The following PLCXD3 variants were observed in gnomAD, a reference collection of about 807,000 sequenced individuals.
The protein encoded by PLCXD3 is phosphatidylinositol specific phospholipase C X domain containing 3.
PLCXD3 carries 19 observed loss-of-function variants against 25.5 expected under a neutral mutation model. That is an observed-to-expected ratio of 0.75 (90% confidence interval 0.52 to 1.09). The LOEUF is 1.09. Ranked by LOEUF, PLCXD3 falls within the 50% of genes least tolerant of loss-of-function variation. PLCXD3 has a pLI of 0.00. For missense variants in PLCXD3, 411 were observed against 388.1 expected (o/e 1.06, Z -0.50); for synonymous variants, 174 against 137.6 (o/e 1.26, Z -1.85).
intron 1 of PLCXD3, chr5:41,475,530 CT>C (rs1748263073): frequency 2.0e-6 from 1 of 500,868 alleles, no homozygotes; most frequent in Non-Finnish European, 4.1e-6. Context: ...GTCTCTATCT[CT>C]ATTTATCTCT....
intron 1 of PLCXD3, among the ~76,000 whole-genome samples, chr5:41,449,281 GA>G: frequency 1.3e-5 from 2 of 152,196 alleles, no homozygotes; most frequent in East Asian, 3.9e-4. Flanking sequence ...CCAAAGCTCA[GA>G]AAAAAATTTT....
rs150329176 is a variant in PLCXD3 at position 41,471,750 on chromosome 5, C to T, written c.103+38674G>A. Among the ~76,000 whole-genome samples the T allele has an allele frequency of 4.3e-3, 651 of 151,264 alleles. 4 individuals carry two copies. The highest frequency in any genetic ancestry group is 0.014 in the African/African-American group (584 of 40,990). ...TATAAAGGCTAAATGATTAACCAAA[C>T]AAAAATAATAACTACAACATCTTTT... On this transcript the variant is annotated intron_variant, in intron 1 of 2. Coordinates refer to ENST00000377801, the MANE Select transcript of PLCXD3 (RefSeq NM_001005473.3).
intron 1 of PLCXD3, among the ~76,000 whole-genome samples, chr5:41,461,882 A>C (rs1379310): frequency 0.62 from 93,704 of 151,780 alleles, 30,655 homozygotes; most frequent in Admixed American, 0.72. Context: ...CTATATTCCT[A>C]TGTTTCCATT....
chr5:41,438,664 T>C (rs1280221728), intron 1 of PLCXD3, among the ~76,000 whole-genome samples: 1 of 152,202 alleles, frequency 6.6e-6, no homozygotes, highest in Non-Finnish European at 1.5e-5. Context: ...AATATGTCTG[T>C]GTGCCTAAAT....
At chr5:41,433,015 C>A (rs556737046) in intron 1 of PLCXD3, among the ~76,000 whole-genome samples, 1 of 152,172 alleles carries the variant, frequency 6.6e-6, no homozygotes, top group Non-Finnish European at 1.5e-5. Context: ...CCTGGAACAG[C>A]GAGCAGGTGA....
chr5:41,432,609 A>G (rs1580370776), intron 1 of PLCXD3, among the ~76,000 whole-genome samples: 2 of 152,230 alleles, frequency 1.3e-5, no homozygotes, highest in Non-Finnish European at 2.9e-5. Context: ...AAAAGCACAT[A>G]AGAGAGCCAG....
intron 2 of PLCXD3, among the ~76,000 whole-genome samples, chr5:41,380,721 G>C (rs1580337701): frequency 1.3e-5 from 2 of 152,244 alleles, no homozygotes; most frequent in African/African-American, 4.8e-5. Context: ...AAACATTCAT[G>C]CTGTGTCTCT....
At chr5:41,430,096 A>G (rs1386682993) in intron 1 of PLCXD3, among the ~76,000 whole-genome samples, 1 of 152,186 alleles carries the variant, frequency 6.6e-6, no homozygotes, top group Non-Finnish European at 1.5e-5. Flanking sequence ...GCAAGCTTGA[A>G]CAAGTTGCTT....
chr5:41,417,143 G>A (rs1272399354), intron 1 of PLCXD3, among the ~76,000 whole-genome samples: 1 of 152,116 alleles, frequency 6.6e-6, no homozygotes, highest in Non-Finnish European at 1.5e-5. Context: ...CACTGAAATA[G>A]CACTTTGTAA....
intron 1 of PLCXD3, among the ~76,000 whole-genome samples, chr5:41,483,357 T>A (rs1020644275): frequency 6.6e-6 from 1 of 152,176 alleles, no homozygotes; most frequent in Non-Finnish European, 1.5e-5. Context: ...TTGGACCGGA[T>A]GCGAAATGAC....
At chr5:41,357,713 A>G (rs1452746616) in intron 2 of PLCXD3, among the ~76,000 whole-genome samples, 3 of 152,228 alleles carry the variant, frequency 2.0e-5, no homozygotes, top group Non-Finnish European at 2.9e-5. Context: ...CAGAATCGCT[A>G]CAATAGATGT....
intron 1 of PLCXD3, among the ~76,000 whole-genome samples, chr5:41,503,072 A>G (rs940050493): frequency 1.3e-5 from 2 of 151,878 alleles, no homozygotes; most frequent in Admixed American, 1.3e-4. Flanking sequence ...TCTTCCTCCT[A>G]CTCTTCTTCC....
At chr5:41,406,563 T>C (rs1379256613) in intron 1 of PLCXD3, among the ~76,000 whole-genome samples, 1 of 152,164 alleles carries the variant, frequency 6.6e-6, no homozygotes, top group African/African-American at 2.4e-5. Flanking sequence ...CAATCAGTCT[T>C]GAAGTTGTAC....
At chr5:41,322,922 C>T (rs2150470639) in intron 2 of PLCXD3, among the ~76,000 whole-genome samples, 1 of 150,866 alleles carries the variant, frequency 6.6e-6, no homozygotes, top group East Asian at 2.0e-4. Context: ...TGCAGTGAGT[C>T]AAGTTCGCAC....
At chr5:41,418,575 A>G (rs73077999) in intron 1 of PLCXD3, among the ~76,000 whole-genome samples, 5,877 of 152,258 alleles carry the variant, frequency 0.039, 386 homozygotes, top group African/African-American at 0.14. Context: ...GCAATATCCT[A>G]GATACTAAGG....
chr5:41,430,186 A>C (rs913027552), intron 1 of PLCXD3, among the ~76,000 whole-genome samples: 1 of 152,200 alleles, frequency 6.6e-6, no homozygotes, highest in Non-Finnish European at 1.5e-5. Flanking sequence ...TTATTAATTG[A>C]ATGAGTTTTA....
chr5:41,483,526 T>C (rs1214032541), intron 1 of PLCXD3, among the ~76,000 whole-genome samples: 1 of 152,144 alleles, frequency 6.6e-6, no homozygotes, highest in Non-Finnish European at 1.5e-5. Context: ...GCTTTATAAG[T>C]GAAATAAAAA....
intron 1 of PLCXD3, among the ~76,000 whole-genome samples, chr5:41,398,780 A>G (rs1338473301): frequency 6.6e-6 from 1 of 151,924 alleles, no homozygotes; most frequent in Admixed American, 6.6e-5. Context: ...ACGGAGAAAA[A>G]CTCTAAAATC....
chr5:41,479,964 G>T lies in PLCXD3; in HGVS notation c.103+30460C>A, dbSNP rs199536787. Among the ~76,000 whole-genome samples, 3 of 152,116 alleles carry T rather than the reference G, an allele frequency of 2.0e-5. No individual in the cohort carries two copies. In the South Asian group the frequency reaches 6.3e-4, roughly 32 times the overall value. ...TTTGTTACATTTTTAATGGAGAAAAGAATCTAGTAGAATTTATTTCTTTCA... is the reference window on the plus strand; with the variant it reads ...TTTGTTACATTTTTAATGGAGAAAATAATCTAGTAGAATTTATTTCTTTCA... On this transcript the variant is annotated intron_variant, in intron 1 of 2. Transcript: ENST00000377801.
Sources: allele counts gnomAD v4.1 joint callset (sites outside exome capture counted in the v4.1 genomes callset), GRCh38; gene constraint gnomAD v4.1.1; transcripts MANE v1.5; gene names NCBI Gene and HGNC (gene_info 2026-07-23, HGNC 2026-07-21).